CMC1: variants seen among roughly 807,000 people sequenced by gnomAD.
CMC1 encodes the protein C-X9-C motif containing 1, also known as COX assembly mitochondrial protein homolog.
In CMC1, 14 loss-of-function variants were observed where a neutral mutation model predicts 14.1. The ratio of observed to expected loss-of-function variants is 0.99; its 90% confidence interval spans 0.66 to 1.55. CMC1 has a LOEUF of 1.55. Among genes scored for constraint, CMC1 ranks in the 40% most tolerant of loss-of-function variants. The pLI is 0.00. For missense variants in CMC1, 127 were observed against 123.8 expected, an observed-to-expected ratio of 1.03 and a Z score of -0.12; for synonymous variants, 50 against 38.4, an observed-to-expected ratio of 1.30 and a Z score of -1.12.
chr3:28,317,054 AG>A (rs1157987457), intron 3 of CMC1: 2 of 152,058 alleles, frequency 1.3e-5, no homozygotes, highest in African/African-American at 4.8e-5. Context: ...TACTTTAGTA[AG>A]TATTGTTAAT....
intron 1 of CMC1, among the ~76,000 whole-genome samples, chr3:28,254,229 AC>A (rs1342512639): frequency 2.6e-5 from 4 of 152,238 alleles, no homozygotes; most frequent in African/African-American, 7.2e-5. Context: ...ACATATATAC[AC>A]CAGATTGAGA....
chr3:28,315,293 A>G (rs1259828702), intron 2 of CMC1: 1 of 152,292 alleles, frequency 6.6e-6, no homozygotes, highest in Admixed American at 6.5e-5. Context: ...CATAGGTACC[A>G]GGCTTTTCTG....
In CMC1 at chr3:28,321,019, C is replaced by T. The variant is rs1703171592; in HGVS notation, c.*1390C>T. The T allele has an allele frequency of 6.6e-6, 1 of 151,298 alleles. No homozygotes were observed. Among genetic ancestry groups the T allele is most frequent in the Non-Finnish European group, 1.5e-5 (1 of 67,566 alleles). The allele number at this position is 151,298 out of a possible 1,614,324, so 9.4% of individuals were successfully genotyped here. ...TTTTTAAGAAAGAATTTAAATAGGA[C>T]ACTAAAGAATCAATTCAAGTTCCAC... On this transcript the variant is annotated 3_prime_UTR_variant, in exon 4 of 4. Coordinates refer to ENST00000466830, the MANE Select transcript of CMC1 (RefSeq NM_182523.2).
Position 28,320,625 on chromosome 3 carries a change from AT to A in CMC1, c.*1000del, listed in dbSNP as rs1338701339. The A allele has an allele frequency of 6.7e-6, 1 of 150,014 alleles. No homozygotes were observed. Among genetic ancestry groups the A allele is most frequent in the Non-Finnish European group, 1.5e-5 (1 of 67,162 alleles). 9.3% of individuals were successfully genotyped at this position (150,014 alleles called of 1,614,324 possible). On this transcript the variant is annotated 3_prime_UTR_variant, in exon 4 of 4. Coordinates refer to ENST00000466830, the MANE Select transcript of CMC1 (RefSeq NM_182523.2). ...AGGAGATACCTACTTATATGAATTA[AT>A]TTTACTTACATCTTTGATGTAGAAT...
Position 28,269,710 on chromosome 3 carries a change from C to T in CMC1, c.109+6330C>T, listed in dbSNP as rs79158592. On this transcript the variant is annotated intron_variant, in intron 2 of 3. Coordinates refer to ENST00000466830, the MANE Select transcript of CMC1 (RefSeq NM_182523.2). Reference sequence around the variant, plus strand: ...CCTCCCAAGTAACTGGGACTACAGGCGCACGCCATGACGCCTCGCTAATGT... The same window carrying T: ...CCTCCCAAGTAACTGGGACTACAGGTGCACGCCATGACGCCTCGCTAATGT... Among the ~76,000 whole-genome samples the T allele has an allele frequency of 2.0e-5, 3 of 152,090 alleles. No individual in the cohort carries two copies. In the East Asian group the frequency reaches 5.8e-4, roughly 29 times the overall value.
Position 28,291,355 on chromosome 3 carries a change from G to C in CMC1, c.110-24978G>C, listed in dbSNP as rs560274553. Among the ~76,000 whole-genome samples the C allele has an allele frequency of 2.0e-5, 3 of 152,162 alleles. No homozygotes were observed. The South Asian group carries it at 6.2e-4, about 32-fold the overall frequency. On this transcript the variant is annotated intron_variant, in intron 2 of 3. Transcript: ENST00000466830. ...TACCATGCCTTGGTTTTCTCTGTTT[G>C]CATTAACCTTTTTTTCCCCTCTATA...
At chr3:28,317,905 T>C (rs2125617487) in intron 3 of CMC1, 1 of 151,996 alleles carries the variant, frequency 6.6e-6, no homozygotes, top group South Asian at 2.1e-4. Flanking sequence ...TCTCACCCCC[T>C]AGAAATACAA....
intron 1 of CMC1, among the ~76,000 whole-genome samples, chr3:28,248,337 A>T (rs1347831993): frequency 6.6e-6 from 1 of 152,192 alleles, no homozygotes; most frequent in East Asian, 1.9e-4. Context: ...ACCTCCTCCC[A>T]GGGAGGTAGT....
intron 2 of CMC1, among the ~76,000 whole-genome samples, chr3:28,278,333 G>T (rs966959298): frequency 5.9e-5 from 9 of 152,100 alleles, no homozygotes; most frequent in African/African-American, 2.2e-4. Flanking sequence ...TTTTGGATAT[G>T]TTAACTTTGA....
At chr3:28,280,516 G>T (rs1421740594) in intron 2 of CMC1, among the ~76,000 whole-genome samples, 1 of 152,064 alleles carries the variant, frequency 6.6e-6, no homozygotes, top group East Asian at 1.9e-4. Context: ...GGAAAAGCAG[G>T]TATTTACACT....
At chr3:28,291,286 A>C (rs147621358) in intron 2 of CMC1, among the ~76,000 whole-genome samples, 1 of 152,144 alleles carries the variant, frequency 6.6e-6, no homozygotes, top group Non-Finnish European at 1.5e-5. Context: ...GGAAGCTGGG[A>C]TCATTGGAGG....
In CMC1 at chr3:28,285,453, C is replaced by G. The variant is rs567308472; in HGVS notation, c.109+22073C>G. Among the ~76,000 whole-genome samples the G allele has an allele frequency of 7.3e-5, 11 of 151,500 alleles. No individual in the cohort carries two copies. The South Asian group carries it at 2.1e-3, about 29-fold the overall frequency. ...TTCTGTCAAATATCACATGTTCTCA[C>G]GTATAAGTGGAAGCTAAGTAATGTG... On this transcript the variant is annotated intron_variant, in intron 2 of 3. Transcript: ENST00000466830.
intron 2 of CMC1, among the ~76,000 whole-genome samples, chr3:28,307,128 A>G (rs979391040): frequency 2.6e-5 from 4 of 152,212 alleles, no homozygotes; most frequent in African/African-American, 4.8e-5. Context: ...CAACACACAG[A>G]TATCATAAAA....
chr3:28,266,621 G>T (rs911599270), intron 2 of CMC1, among the ~76,000 whole-genome samples: 12 of 151,948 alleles, frequency 7.9e-5, no homozygotes, highest in African/African-American at 2.7e-4. Context: ...GGGATTGCAG[G>T]CGTGGACTAC....
chr3:28,321,842 G>A lies in CMC1; in HGVS notation c.*2213G>A, dbSNP rs1008582558. 5 of 151,310 alleles carry A rather than the reference G, an allele frequency of 3.3e-5. No individual in the cohort carries two copies. The highest frequency in any genetic ancestry group is 5.9e-5 in the Non-Finnish European group (4 of 67,518). 9.4% of individuals were successfully genotyped at this position (151,310 alleles called of 1,614,324 possible). A position where few individuals can be genotyped will look rare whatever the true frequency, so the allele number is the denominator to read the frequency against. On this transcript the variant is annotated 3_prime_UTR_variant, in exon 4 of 4. Coordinates refer to ENST00000466830, the MANE Select transcript of CMC1 (RefSeq NM_182523.2). Reference sequence around the variant, plus strand: ...TACTTTAGCTAATAAGGGAGCAAGAGGAAGGAATAGGTGGCTTTTTGTTAT... The same window carrying A: ...TACTTTAGCTAATAAGGGAGCAAGAAGAAGGAATAGGTGGCTTTTTGTTAT...
chr3:28,270,920 CTTTTTT>C (rs71087680), intron 2 of CMC1, among the ~76,000 whole-genome samples: 5 of 83,738 alleles, frequency 6.0e-5, no homozygotes, highest in Non-Finnish European at 9.0e-5. Context: ...GAGTTAATTT[CTTTTTT>C]TTTTTTTTTT....
chr3:28,241,702 C>T lies in CMC1; in HGVS notation c.-92C>T. ...TGTTGCGGGAAGCTCCCGGGGGTCG[C>T]ACGTGCGTCCGAGCCCAAGCCCCTC... is the stretch of plus-strand genomic sequence containing the variant. On this transcript the variant is annotated 5_prime_UTR_variant, in exon 1 of 4. Transcript: ENST00000466830. The T allele has an allele frequency of 8.1e-7, 1 of 1,237,860 alleles. No individual in the cohort carries two copies. Among genetic ancestry groups the T allele is most frequent in the Non-Finnish European group, 1.0e-6 (1 of 987,960 alleles). The allele number at this position is 1,237,860 out of a possible 1,614,324, so 76.7% of individuals were successfully genotyped here. A position where few individuals can be genotyped will look rare whatever the true frequency, so the allele number is the denominator to read the frequency against.
chr3:28,321,735 T>C lies in CMC1; in HGVS notation c.*2106T>C, dbSNP rs1169559727. ...TTTCCCATTTATTTTGGTTTTCTAA[T>C]GTTTCACATAGGCATGTTCCTGCTT... On this transcript the variant is annotated 3_prime_UTR_variant, in exon 4 of 4. Coordinates refer to ENST00000466830, the MANE Select transcript of CMC1 (RefSeq NM_182523.2). 1 of 151,348 alleles carries C rather than the reference T, an allele frequency of 6.6e-6. No homozygotes were observed. The highest frequency in any genetic ancestry group is 2.4e-5 in the African/African-American group (1 of 41,362). 9.4% of individuals were successfully genotyped at this position (151,348 alleles called of 1,614,324 possible).
chr3:28,275,573 T>G (rs1010507033), intron 2 of CMC1, among the ~76,000 whole-genome samples: 1 of 152,068 alleles, frequency 6.6e-6, no homozygotes, highest in African/African-American at 2.4e-5. Flanking sequence ...ACCCCCCGAT[T>G]GGGTCTCACC....
Sources: allele counts gnomAD v4.1 joint callset (sites outside exome capture counted in the v4.1 genomes callset), GRCh38; gene constraint gnomAD v4.1.1; transcripts MANE v1.5; gene names NCBI Gene and HGNC (gene_info 2026-07-23, HGNC 2026-07-21).